Variants in PTPRA observed in about 807,000 individuals in gnomAD.
PTPRA encodes the protein protein tyrosine phosphatase receptor type A.
PTPRA carries 25 observed loss-of-function variants against 104.8 expected under a neutral mutation model. The observed-to-expected ratio is 0.24, with a 90% CI of 0.17 to 0.33. The LOEUF is 0.33. Ranked by LOEUF, PTPRA falls within the 10% of genes least tolerant of loss-of-function variation. The pLI, the probability that PTPRA is intolerant of heterozygous loss-of-function variation, is 1.00. For missense variants in PTPRA, 765 were observed against 1,015.3 expected, an observed-to-expected ratio of 0.75 and a Z score of 3.35; for synonymous variants, 323 against 368.9, an observed-to-expected ratio of 0.88 and a Z score of 1.43.
chr20:2,976,814 A>T (rs569628520), intron 6 of PTPRA, among the ~76,000 whole-genome samples: 2 of 152,334 alleles, frequency 1.3e-5, no homozygotes, highest in Admixed American at 6.5e-5. Flanking sequence ...GTTATGTCTT[A>T]TGCAGATGAA....
chr20:2,935,675 T>A (rs554767662), intron 2 of PTPRA, among the ~76,000 whole-genome samples: 5 of 152,330 alleles, frequency 3.3e-5, no homozygotes, highest in Non-Finnish European at 7.4e-5. Flanking sequence ...CTACTTCAGC[T>A]TCGCTACTAC....
chr20:2,866,704 C>T, the PTPRA span: 3 of 1,385,324 alleles, frequency 2.2e-6, no homozygotes, highest in Non-Finnish European at 2.9e-6. Context: ...GCAGGGCTGT[C>T]TGGTTTTAAA....
rs549430393 is a variant in PTPRA, at chr20:2,961,719, A to G, written c.-6-2553A>G. Reference sequence around the variant, plus strand: ...AAAGTCATCTAGATTTTCTCCTGTTATCTTCTTGGCATTTTATAGTCTTAT... The same window carrying G: ...AAAGTCATCTAGATTTTCTCCTGTTGTCTTCTTGGCATTTTATAGTCTTAT... On this transcript the variant is annotated intron_variant, in intron 3 of 23. Transcript: ENST00000399903. Among the ~76,000 whole-genome samples, 754 of 152,222 alleles carry G rather than the reference A, an allele frequency of 5.0e-3. 3 individuals are homozygous for G. The highest frequency in any genetic ancestry group is 8.1e-3 in the South Asian group (39 of 4,822).
chr20:3,022,900 GTC>G lies in PTPRA; in HGVS notation c.1464+79_1464+80del. 1 of 1,590,072 alleles carries G rather than the reference GTC, an allele frequency of 6.3e-7. No individual in the cohort carries two copies. Among genetic ancestry groups the G allele is most frequent in the Non-Finnish European group, 8.6e-7 (1 of 1,166,262 alleles). ...TCTGCCCACATTGAGGATTCACTCA[GTC>G]TCACAGGTTATTGTAAATGATTACT... is the stretch of plus-strand genomic sequence containing the variant. On this transcript the variant is annotated intron_variant, in intron 16 of 23. Transcript: ENST00000399903. The surrounding 1 kb of genome is among the most constrained non-coding windows in gnomAD (Gnocchi z 4.6).
At position 2,964,896 on chromosome 20, in the gene PTPRA, T is replaced by G; in HGVS notation, c.109T>G (p.Ser37Ala). Residue 37 changes from serine to alanine, a missense_variant, in exon 5 of 24, where the codon TCA becomes GCA. Physicochemically the swap from Ser to Ala is moderately conservative, Grantham distance 99. Transcript: ENST00000399903. ...PSVGITRLINSSTAEPVKEEA... is the reference protein window; with the variant it reads ...PSVGITRLINASTAEPVKEEA... ...TGTAGGAATTACAAGATTAATTAAC[T>G]CATCAACGGCAGAACCAGTTAAAGA... 1 of 1,614,018 alleles carries G rather than the reference T, an allele frequency of 6.2e-7. No individual in the cohort carries two copies. The highest frequency in any genetic ancestry group is 8.5e-7 in the Non-Finnish European group (1 of 1,179,886).
chr20:2,960,398 C>T (rs1314531062), intron 3 of PTPRA, among the ~76,000 whole-genome samples: 1 of 151,728 alleles, frequency 6.6e-6, no homozygotes, highest in African/African-American at 2.4e-5. Context: ...TACAGGTGCC[C>T]GCCACCACAT....
intron 17 of PTPRA, among the ~76,000 whole-genome samples, chr20:3,025,953 CT>C (rs199940833): frequency 2.8e-5 from 4 of 144,544 alleles, no homozygotes; most frequent in Admixed American, 6.9e-5. Flanking sequence ...TTTTTCTTTT[CT>C]TTTTTTTTGA....
chr20:2,872,094 C>T (rs1417906852), upstream of PTPRA, among the ~76,000 whole-genome samples: 1 of 151,992 alleles, frequency 6.6e-6, no homozygotes, highest in African/African-American at 2.4e-5. This position sits in a 1 kb window ranked among gnomAD's most constrained non-coding sequence, Gnocchi z 7.9. Flanking sequence ...TGGTGGGGAC[C>T]GGAGATGGTA....
intron 6 of PTPRA, among the ~76,000 whole-genome samples, chr20:2,981,561 G>GAA (rs888657833): frequency 1.3e-5 from 2 of 152,174 alleles, no homozygotes; most frequent in Non-Finnish European, 2.9e-5. Flanking sequence ...TCATTAGTGT[G>GAA]ACGTTGAGAA....
chr20:2,988,174 A>G (rs1473677667), intron 8 of PTPRA, 69 bp downstream of exon 8: 4 of 1,523,984 alleles, frequency 2.6e-6, no homozygotes, highest in Non-Finnish European at 2.7e-6. Flanking sequence ...GAGTTTCTCC[A>G]TCCTTTTAAA....
intron 2 of PTPRA, among the ~76,000 whole-genome samples, chr20:2,930,827 G>A (rs1204878254): frequency 6.6e-6 from 1 of 152,162 alleles, no homozygotes; most frequent in African/African-American, 2.4e-5. Context: ...TGGTACTGGG[G>A]ATTAGGACTT....
intron 3 of PTPRA, among the ~76,000 whole-genome samples, chr20:2,953,976 C>T (rs184927779): frequency 3.3e-5 from 5 of 150,028 alleles, no homozygotes; most frequent in Admixed American, 6.6e-5. Flanking sequence ...TGGCACCATT[C>T]GTATCTCACT....
At chr20:2,983,014 A>G in intron 6 of PTPRA, among the ~76,000 whole-genome samples, 1 of 152,162 alleles carries the variant, frequency 6.6e-6, no homozygotes, top group East Asian at 1.9e-4. Flanking sequence ...GCTAAAATGA[A>G]GTACACACTG....
chr20:2,994,837 G>T (rs2063335405), intron 9 of PTPRA, among the ~76,000 whole-genome samples: 1 of 152,152 alleles, frequency 6.6e-6, no homozygotes, highest in Non-Finnish European at 1.5e-5. Flanking sequence ...TTAGAAATTT[G>T]GCTTTATCCA....
rs368648284 is a variant in PTPRA at position 3,033,699 on chromosome 20, C to T, written c.1921-1886C>T. 5.8e-4 allele frequency among the ~76,000 whole-genome samples: 88 copies of T among 150,606 alleles called. No individual in the cohort carries two copies. In the East Asian group the frequency reaches 6.3e-3, roughly 11 times the overall value. On this transcript the variant is annotated intron_variant, in intron 20 of 23. Coordinates refer to ENST00000399903, the MANE Select transcript of PTPRA (RefSeq NM_001385305.1). ...GGTGGATCACCTGAGGTCGGGAGTTCGAGACCAGCCTGACCAACATGGAGA... is the reference window on the plus strand; with the variant it reads ...GGTGGATCACCTGAGGTCGGGAGTTTGAGACCAGCCTGACCAACATGGAGA...
At chr20:2,884,473 G>C (rs778657969) in intron 1 of PTPRA, among the ~76,000 whole-genome samples, 4 of 152,108 alleles carry the variant, frequency 2.6e-5, no homozygotes, top group African/African-American at 4.8e-5. Context: ...CCATCTTAGT[G>C]GGTGTGAAGT....
chr20:2,969,386 TAC>T (rs2062072361), intron 5 of PTPRA, among the ~76,000 whole-genome samples: 1 of 151,714 alleles, frequency 6.6e-6, no homozygotes, highest in African/African-American at 2.4e-5. Context: ...TAGCTGGGAT[TAC>T]ACATGCCCAC....
intron 17 of PTPRA, 51 bp downstream of exon 17, chr20:3,024,672 G>A: frequency 2.5e-6 from 4 of 1,600,330 alleles, no homozygotes; most frequent in Non-Finnish European, 3.4e-6. Flanking sequence ...CTTGTAATCT[G>A]GGGAACATGG....
At chr20:2,910,109 A>C (rs1424567024) in intron 1 of PTPRA, among the ~76,000 whole-genome samples, 1 of 121,290 alleles carries the variant, frequency 8.2e-6, no homozygotes, top group African/African-American at 3.2e-5. Context: ...CATATATATA[A>C]TATATGATGT....
Sources: allele counts gnomAD v4.1 joint callset (sites outside exome capture counted in the v4.1 genomes callset), GRCh38; gene constraint gnomAD v4.1.1; non-coding constraint Gnocchi (gnomAD v3.1); transcripts MANE v1.5; gene names NCBI Gene and HGNC (gene_info 2026-07-23, HGNC 2026-07-21).